Variants in ASIC2 observed in about 807,000 individuals in gnomAD.
The protein encoded by ASIC2 is acid-sensing ion channel 2.
Under a neutral mutation model 57.3 loss-of-function variants are expected in ASIC2, and 25 were observed. That is an observed-to-expected ratio of 0.44 (90% CI 0.32 to 0.61). ASIC2 has a LOEUF of 0.61. ASIC2 is among the 20% of genes least tolerant of loss of function. ASIC2 has a pLI of 0.06. For missense variants in ASIC2, 641 were observed against 738.1 expected (o/e 0.87, Z 1.52); for synonymous variants, 319 against 307.5 (o/e 1.04, Z -0.39).
At chr17:33,373,042 G>A (rs2141940270) in intron 1 of ASIC2, among the ~76,000 whole-genome samples, 1 of 152,292 alleles carries the variant, frequency 6.6e-6, no homozygotes, top group South Asian at 2.1e-4. Flanking sequence ...TGGGGACTTA[G>A]GATAAGCAGA....
At chr17:33,399,467 C>T (rs1567848604) in intron 1 of ASIC2, among the ~76,000 whole-genome samples, 1 of 152,132 alleles carries the variant, frequency 6.6e-6, no homozygotes, top group South Asian at 2.1e-4. Context: ...TACACTCTCT[C>T]CTGACCCAGA....
At chr17:33,553,680 C>A (rs1040017011) in intron 1 of ASIC2, among the ~76,000 whole-genome samples, 2 of 152,094 alleles carry the variant, frequency 1.3e-5, no homozygotes, top group African/African-American at 4.8e-5. Flanking sequence ...TGAGTTCTTT[C>A]CATGTGCCAG....
At chr17:33,789,480 A>T (rs924395874) in intron 1 of ASIC2, among the ~76,000 whole-genome samples, 4 of 151,800 alleles carry the variant, frequency 2.6e-5, no homozygotes, top group Non-Finnish European at 5.9e-5. Context: ...ACACACACAC[A>T]CACACACACA....
At chr17:33,872,409 A>G (rs772542214) in intron 1 of ASIC2, among the ~76,000 whole-genome samples, 1 of 152,190 alleles carries the variant, frequency 6.6e-6, no homozygotes, top group Non-Finnish European at 1.5e-5. Flanking sequence ...TCATTCAGTC[A>G]TTCAACCCGT....
intron 1 of ASIC2, among the ~76,000 whole-genome samples, chr17:33,440,977 C>CT (rs1286316045): frequency 2.6e-5 from 4 of 151,450 alleles, no homozygotes; most frequent in East Asian, 1.9e-4. Context: ...CTTTTCTTTT[C>CT]TTTTTTTTAA....
At chr17:34,141,186 A>T (rs1293924701) in intron 1 of ASIC2, among the ~76,000 whole-genome samples, 1 of 152,122 alleles carries the variant, frequency 6.6e-6, no homozygotes, top group Non-Finnish European at 1.5e-5. Flanking sequence ...AGTACATGAA[A>T]ATCAAGGTAA....
chr17:34,031,422 G>A (rs12941803), intron 1 of ASIC2, among the ~76,000 whole-genome samples: 5 of 152,114 alleles, frequency 3.3e-5, no homozygotes, highest in African/African-American at 7.2e-5. Context: ...AAAAACGGAG[G>A]AGAAAAACTG....
intron 1 of ASIC2, among the ~76,000 whole-genome samples, chr17:33,120,551 C>T (rs1397111099): frequency 6.6e-6 from 1 of 152,224 alleles, no homozygotes; most frequent in African/African-American, 2.4e-5. Flanking sequence ...ATTCAAGATG[C>T]TGGGCCTCTG....
intron 1 of ASIC2, among the ~76,000 whole-genome samples, chr17:33,734,711 G>A (rs1597854412): frequency 6.6e-6 from 1 of 152,126 alleles, no homozygotes; most frequent in South Asian, 2.1e-4. Flanking sequence ...ATAAGAAGAG[G>A]AAGAGACACC....
chr17:33,736,301 G>T lies in ASIC2; in HGVS notation c.555+419677C>A, dbSNP rs138568020. ...GTCTTGGTGGGTCAGCACAGTGCCC[G>T]AGGCAGCGATAAAAGCTCAGCCTGC... On this transcript the variant is annotated intron_variant, in intron 1 of 9. Transcript: ENST00000359872. Among the ~76,000 whole-genome samples, 669 of 152,034 alleles carry T rather than the reference G, an allele frequency of 4.4e-3. 6 individuals are homozygous for T. The highest frequency in any genetic ancestry group is 0.015 in the African/African-American group (638 of 41,474).
At chr17:33,951,363 T>C (rs1904556802) in intron 1 of ASIC2, among the ~76,000 whole-genome samples, 1 of 152,072 alleles carries the variant, frequency 6.6e-6, no homozygotes, top group Admixed American at 6.5e-5. Context: ...AGAACTGAGA[T>C]TTCAATCCAG....
chr17:34,074,782 C>CTTTTTTT lies in ASIC2; in HGVS notation c.555+81189_555+81195dup, dbSNP rs35010578. Among the ~76,000 whole-genome samples, 13 of 113,942 alleles carry CTTTTTTT rather than the reference C, an allele frequency of 1.1e-4. 1 individual carries two copies. The highest frequency in any genetic ancestry group is 2.6e-4 in the East Asian group (1 of 3,778). The allele number at this position is 113,942 out of a possible 152,430, so 74.8% of individuals were successfully genotyped here. A position where few individuals can be genotyped will look rare whatever the true frequency, so the allele number is the denominator to read the frequency against. Reference sequence around the variant, plus strand: ...GTGTGGCTTTTTTCTTTCTTTCTTTCTTTTTTTTTTTTTTTTTTTTTGAGA... The same window carrying CTTTTTTT: ...GTGTGGCTTTTTTCTTTCTTTCTTTCTTTTTTTTTTTTTTTTTTTTTTTTTTTTGAGA... On this transcript the variant is annotated intron_variant, in intron 1 of 9. Coordinates refer to the ASIC2 transcript ENST00000359872.
At chr17:33,692,376 C>T (rs1401693960) in intron 1 of ASIC2, 1 of 152,060 alleles carries the variant, frequency 6.6e-6, no homozygotes, top group Non-Finnish European at 1.5e-5. Flanking sequence ...AAAAAAGCAA[C>T]TCCCCACTTC....
chr17:33,552,820 C>A, intron 1 of ASIC2, among the ~76,000 whole-genome samples: 1 of 152,312 alleles, frequency 6.6e-6, no homozygotes, highest in Middle Eastern at 3.4e-3. Flanking sequence ...CAGTGGAACA[C>A]TCGCGTCAGG....
At chr17:33,523,797 G>A (rs1191660676) in intron 1 of ASIC2, among the ~76,000 whole-genome samples, 2 of 152,184 alleles carry the variant, frequency 1.3e-5, no homozygotes, top group African/African-American at 4.8e-5. Context: ...ACTCACGGCT[G>A]ATGTAGCTCC....
chr17:33,384,398 G>T (rs1411727451), intron 1 of ASIC2, among the ~76,000 whole-genome samples: 3 of 152,182 alleles, frequency 2.0e-5, no homozygotes, highest in African/African-American at 7.2e-5. Flanking sequence ...AGAATGAGCT[G>T]CCCTGTGATG....
chr17:33,304,328 A>G (rs1363675042), intron 1 of ASIC2, among the ~76,000 whole-genome samples: 1 of 152,228 alleles, frequency 6.6e-6, no homozygotes, highest in Non-Finnish European at 1.5e-5. Context: ...GTTTAGTTAC[A>G]AATAGGTTCT....
intron 5 of ASIC2, among the ~76,000 whole-genome samples, chr17:33,024,628 C>T (rs1009879615): frequency 3.3e-5 from 5 of 152,212 alleles, no homozygotes; most frequent in Admixed American, 3.3e-4. Flanking sequence ...TCTTCAGAAC[C>T]CTGTTCTCAA....
chr17:33,342,478 T>C (rs944649298), intron 1 of ASIC2, among the ~76,000 whole-genome samples: 4 of 152,138 alleles, frequency 2.6e-5, no homozygotes, highest in Non-Finnish European at 4.4e-5. Flanking sequence ...GGTATGTATA[T>C]GATTATGTGC....
Sources: allele counts gnomAD v4.1 joint callset (sites outside exome capture counted in the v4.1 genomes callset), GRCh38; gene constraint gnomAD v4.1.1; transcripts MANE v1.5; gene names NCBI Gene and HGNC (gene_info 2026-07-23, HGNC 2026-07-21).